The following PIK3CB variants were observed in gnomAD, a reference collection of about 807,000 sequenced individuals.
The protein encoded by PIK3CB is phosphatidylinositol-4,5-bisphosphate 3-kinase catalytic subunit beta, also known as phosphatidylinositol 4,5-bisphosphate 3-kinase catalytic subunit beta isoform.
Under a neutral mutation model 136.8 loss-of-function variants are expected in PIK3CB, and 39 were observed. The observed-to-expected ratio is 0.29, with a 90% confidence interval of 0.22 to 0.37. The LOEUF (loss-of-function observed/expected upper bound fraction) is 0.37, where lower values mean the gene tolerates loss of function less well. Among genes scored for constraint, PIK3CB ranks in the 10% least tolerant of loss-of-function variants. PIK3CB has a pLI of 1.00. For missense variants in PIK3CB, 868 were observed against 1,275.4 expected (o/e 0.68, Z 4.87); for synonymous variants, 428 against 436.6 (o/e 0.98, Z 0.25).
At chr3:138,771,198 T>C (rs535816350) in intron 2 of PIK3CB, among the ~76,000 whole-genome samples, 12 of 150,700 alleles carry the variant, frequency 8.0e-5, no homozygotes, top group African/African-American at 2.9e-4. Flanking sequence ...ACTTAAAAAC[T>C]GAACAGTATA....
At chr3:138,779,186 C>A (rs571668998) in intron 2 of PIK3CB, among the ~76,000 whole-genome samples, 21 of 151,164 alleles carry the variant, frequency 1.4e-4, no homozygotes, top group African/African-American at 5.1e-4. Flanking sequence ...CCTGGGTGCA[C>A]GCCATTCTCC....
At chr3:138,810,320 T>A (rs1182811080) in intron 1 of PIK3CB, among the ~76,000 whole-genome samples, 1 of 152,118 alleles carries the variant, frequency 6.6e-6, no homozygotes. Flanking sequence ...GAGCTGCACA[T>A]AGTGCCTTCC....
chr3:138,690,207 C>T (rs945392718), intron 15 of PIK3CB, among the ~76,000 whole-genome samples: 1 of 150,520 alleles, frequency 6.6e-6, no homozygotes, highest in Non-Finnish European at 1.5e-5. Context: ...GAGCTTATTG[C>T]CTTTGAGAAG....
Position 138,762,855 on chromosome 3 carries a change from G to A in PIK3CB, c.-16-3496C>T, listed in dbSNP as rs2045680726. Among the ~76,000 whole-genome samples, 3 of 151,932 alleles carry A rather than the reference G, an allele frequency of 2.0e-5. No individual in the cohort carries two copies. The South Asian group carries it at 6.2e-4, about 31-fold the overall frequency. On this transcript the variant is annotated intron_variant, in intron 2 of 23. Transcript: ENST00000674063. ...GGCACCTGTAATCCCAGCTACCAGG[G>A]AGGCTGAGTCAGGAGAATTGCTTGA...
intron 3 of PIK3CB, among the ~76,000 whole-genome samples, chr3:138,757,722 G>T (rs1458101355): frequency 4.2e-5 from 6 of 144,374 alleles, no homozygotes; most frequent in Non-Finnish European, 9.1e-5. Context: ...GAGAGGGAGG[G>T]AGGAAGAGAG....
At position 138,755,943 on chromosome 3, in the gene PIK3CB, T is replaced by C. The variant is rs1030113277; in HGVS notation, c.208A>G (p.Asn70Asp). 1 of 1,610,378 alleles carries C rather than the reference T, an allele frequency of 6.2e-7. No individual in the cohort carries two copies. The highest frequency in any genetic ancestry group is 1.3e-5 in the African/African-American group (1 of 74,922). The change falls in exon 4 of 24, where the codon AAC (asparagine) becomes GAC (aspartate). Residue 70 changes from asparagine (N) to aspartate (D), a missense_variant. Asn to Asp is a conservative substitution (Grantham distance 23). This residue lies in a region of PIK3CB where 612 missense variants were observed against 801.1 expected (regional missense o/e 0.76). Coordinates refer to ENST00000674063, the MANE Select transcript of PIK3CB (RefSeq NM_006219.3). Reference sequence around the variant, plus strand: ...TAGGAGTCAATATCCATAAGGAGGTTGAACATTGGGTAATTGTGAACTTGC... The same window carrying C: ...TAGGAGTCAATATCCATAAGGAGGTCGAACATTGGGTAATTGTGAACTTGC... ...WKQVHNYPMF[N>D]LLMDIDSYMF...
At chr3:138,679,080 C>T (rs1161030497) in intron 19 of PIK3CB, among the ~76,000 whole-genome samples, 1 of 151,588 alleles carries the variant, frequency 6.6e-6, no homozygotes, top group South Asian at 2.1e-4. Context: ...AACAAACAAA[C>T]AAACAAAAAA....
At chr3:138,665,359 A>G (rs572287267) in intron 19 of PIK3CB, among the ~76,000 whole-genome samples, 156 bp from the exon 20 acceptor site, 72 of 152,346 alleles carry the variant, frequency 4.7e-4, no homozygotes, top group Admixed American at 1.2e-3. Flanking sequence ...AAGTTCCACC[A>G]AAGGAGTAAA....
chr3:138,720,686 G>T (rs939377320), intron 8 of PIK3CB, among the ~76,000 whole-genome samples: 3 of 152,140 alleles, frequency 2.0e-5, no homozygotes, highest in Non-Finnish European at 4.4e-5. Context: ...GGGCAACATG[G>T]CAAAAGCCCA....
intron 1 of PIK3CB, among the ~76,000 whole-genome samples, chr3:138,800,265 CATTT>C (rs1400446960): frequency 1.3e-5 from 2 of 152,046 alleles, no homozygotes; most frequent in Non-Finnish European, 2.9e-5. Context: ...TCACAATTCT[CATTT>C]ATTAATATAA....
intron 8 of PIK3CB, among the ~76,000 whole-genome samples, chr3:138,732,364 G>A (rs2045000363): frequency 6.6e-6 from 1 of 152,030 alleles, no homozygotes; most frequent in African/African-American, 2.4e-5. Context: ...ACCAAAGGCG[G>A]TAACCACCCT....
chr3:138,798,428 G>A (rs2046133576), intron 1 of PIK3CB, among the ~76,000 whole-genome samples: 1 of 152,154 alleles, frequency 6.6e-6, no homozygotes, highest in African/African-American at 2.4e-5. Flanking sequence ...CTCCCAAAGT[G>A]CTGGGATTAC....
At chr3:138,664,650 A>G (rs1436857445) in intron 20 of PIK3CB, among the ~76,000 whole-genome samples, 1 of 152,244 alleles carries the variant, frequency 6.6e-6, no homozygotes, top group African/African-American at 2.4e-5. Context: ...CACCATAGCC[A>G]TAATTCCAAA....
intron 2 of PIK3CB, among the ~76,000 whole-genome samples, chr3:138,775,837 T>A (rs1299665755): frequency 1.3e-5 from 2 of 152,206 alleles, no homozygotes; most frequent in East Asian, 3.8e-4. Flanking sequence ...AGTTATAACA[T>A]CACCCTATAA....
intron 1 of PIK3CB, among the ~76,000 whole-genome samples, chr3:138,827,974 C>G (rs1201273071): frequency 6.6e-6 from 1 of 151,204 alleles, no homozygotes; most frequent in Non-Finnish European, 1.5e-5. Context: ...GGTGACAGAG[C>G]GAGACTCCGT....
chr3:138,664,870 C>T (rs987361014), intron 20 of PIK3CB, among the ~76,000 whole-genome samples, 166 bp downstream of exon 20: 4 of 152,168 alleles, frequency 2.6e-5, no homozygotes, highest in African/African-American at 9.7e-5. Flanking sequence ...TCACCATTTA[C>T]AAGACTTTAC....
At chr3:138,785,393 G>A (rs1032108312) in intron 2 of PIK3CB, among the ~76,000 whole-genome samples, 3 of 152,190 alleles carry the variant, frequency 2.0e-5, no homozygotes, top group Non-Finnish European at 4.4e-5. Context: ...GGAAATGTGG[G>A]GAAAAGAAAG....
intron 4 of PIK3CB, among the ~76,000 whole-genome samples, chr3:138,744,804 ATCT>A (rs1415299106): frequency 6.6e-6 from 1 of 152,170 alleles, no homozygotes; most frequent in African/African-American, 2.4e-5. Context: ...TTTCTTCTAC[ATCT>A]TCTTCCTCAT....
At chr3:138,755,040 T>C (rs1394471231) in intron 4 of PIK3CB, among the ~76,000 whole-genome samples, 1 of 152,236 alleles carries the variant, frequency 6.6e-6, no homozygotes, top group Non-Finnish European at 1.5e-5. Flanking sequence ...CTCACAATTT[T>C]CCATGGAATA....
Sources: gnomAD v4.1 joint callset for allele counts (sites outside exome capture counted in the v4.1 genomes callset) on GRCh38, gnomAD v4.1.1 for gene constraint, gnomAD v4.1.1 regional missense constraint, MANE v1.5 for transcripts, NCBI Gene and HGNC (gene_info 2026-07-23, HGNC 2026-07-21) for gene names.